Variants in CEP63 observed in about 807,000 individuals in gnomAD.
The protein encoded by CEP63 is centrosomal protein of 63 kDa.
A neutral mutation model predicts 89.1 loss-of-function variants in CEP63; 84 were observed. The observed-to-expected ratio is 0.94, with a 90% CI of 0.79 to 1.13. The LOEUF (loss-of-function observed/expected upper bound fraction) is 1.13, where lower values mean the gene tolerates loss of function less well. Ranked by LOEUF, CEP63 falls within the 50% of genes most tolerant of loss-of-function variation. The pLI is 0.00. For missense variants in CEP63, 838 were observed against 813.3 expected (o/e 1.03, Z -0.37); for synonymous variants, 267 against 272.5 (o/e 0.98, Z 0.20).
the CEP63 span, among the ~76,000 whole-genome samples, chr3:134,674,386 AC>A: frequency 1.3e-5 from 2 of 152,238 alleles, no homozygotes; most frequent in African/African-American, 2.4e-5. Flanking sequence ...ACAAAATCTA[AC>A]ATTATTTCAT....
intron 1 of CEP63, among the ~76,000 whole-genome samples, chr3:134,489,915 G>T (rs2107850349): frequency 6.6e-6 from 1 of 152,256 alleles, no homozygotes; most frequent in African/African-American, 2.4e-5. Flanking sequence ...TACTCAAATT[G>T]TTTCATCTTT....
the CEP63 span, among the ~76,000 whole-genome samples, chr3:134,781,328 G>T: frequency 8.5e-5 from 13 of 152,138 alleles, no homozygotes; most frequent in Non-Finnish European, 1.8e-4. Context: ...CATAAACACA[G>T]TATATCTCTC....
At chr3:134,604,575 T>G in the CEP63 span, 1 of 993,954 alleles carries the variant, frequency 1.0e-6, no homozygotes, top group East Asian at 2.4e-5. Flanking sequence ...ACGTCCTGAC[T>G]TATAGAGCTT....
chr3:134,683,264 C>A, the CEP63 span, among the ~76,000 whole-genome samples: 25,136 of 152,162 alleles, frequency 0.17, 2,151 homozygotes, highest in Middle Eastern at 0.23. Context: ...TGTTTTGAAT[C>A]CATGATCTTG....
At chr3:134,624,342 A>T in the CEP63 span, among the ~76,000 whole-genome samples, 5 of 152,164 alleles carry the variant, frequency 3.3e-5, no homozygotes, top group Admixed American at 2.6e-4. Context: ...TTTGCTTCTC[A>T]TCTGGCTTTC....
chr3:134,493,114 A>T (rs1232920820), intron 1 of CEP63, among the ~76,000 whole-genome samples: 1 of 152,192 alleles, frequency 6.6e-6, no homozygotes, highest in Non-Finnish European at 1.5e-5. Flanking sequence ...GATAATTTTG[A>T]ATAACTGTGA....
At chr3:134,580,300 G>A (rs760831931) in intron 10 of CEP63, among the ~76,000 whole-genome samples, 1 of 152,148 alleles carries the variant, frequency 6.6e-6, no homozygotes, top group Non-Finnish European at 1.5e-5. Context: ...GTGGTTGCCT[G>A]GGGCTGTGGG....
intron 1 of CEP63, among the ~76,000 whole-genome samples, chr3:134,490,023 C>G (rs1937073017): frequency 6.6e-6 from 1 of 152,038 alleles, no homozygotes; most frequent in Non-Finnish European, 1.5e-5. Flanking sequence ...TTTCCTGGCT[C>G]ATTTATAGAT....
chr3:134,649,280 C>T, the CEP63 span, among the ~76,000 whole-genome samples: 29 of 152,244 alleles, frequency 1.9e-4, no homozygotes, highest in Admixed American at 7.8e-4. Flanking sequence ...GGAGCCATGG[C>T]GAGTTTGTGC....
At chr3:134,764,023 G>A in the CEP63 span, among the ~76,000 whole-genome samples, 3 of 152,204 alleles carry the variant, frequency 2.0e-5, no homozygotes, top group African/African-American at 4.8e-5. Flanking sequence ...AATATATTCT[G>A]TTGGCATGAA....
chr3:134,563,281 ACTT>A lies in CEP63; in HGVS notation c.*1749_*1751del, dbSNP rs1577466728. 6.6e-6 allele frequency: 1 copy of A among 152,192 alleles called. No homozygotes were observed. Among genetic ancestry groups the A allele is most frequent in the East Asian group, 1.9e-4 (1 of 5,164 alleles). 9.4% of individuals were successfully genotyped at this position (152,192 alleles called of 1,614,324 possible). A position where few individuals can be genotyped will look rare whatever the true frequency, so the allele number is the denominator to read the frequency against. The stretch of plus-strand genomic sequence containing the variant: ...GCACTTCTACCACCTGATCCAGACT[ACTT>A]CTCTCTCACCCTGATTCTGGCAGTA... On this transcript the variant is annotated 3_prime_UTR_variant, in exon 15 of 15. Coordinates refer to ENST00000675561, the MANE Select transcript of CEP63 (RefSeq NM_001353108.3).
At chr3:134,485,967 G>C, upstream of CEP63, 1 of 972,630 alleles carries the variant, frequency 1.0e-6, no homozygotes, top group Non-Finnish European at 1.2e-6. Flanking sequence ...CCCGGCCACC[G>C]CGGCAGACGC....
chr3:134,696,838 A>ATG, the CEP63 span, among the ~76,000 whole-genome samples: 1 of 152,204 alleles, frequency 6.6e-6, no homozygotes, highest in Admixed American at 6.5e-5. Context: ...GACATACTTT[A>ATG]TGTGTCCACT....
chr3:134,566,844 C>T (rs1234565429), downstream of CEP63, among the ~76,000 whole-genome samples: 1 of 152,090 alleles, frequency 6.6e-6, no homozygotes, highest in Middle Eastern at 3.2e-3. Context: ...TAAAATAGTG[C>T]AGTCACTCTG....
At chr3:134,693,780 T>C in the CEP63 span, among the ~76,000 whole-genome samples, 1 of 152,198 alleles carries the variant, frequency 6.6e-6, no homozygotes, top group Non-Finnish European at 1.5e-5. Flanking sequence ...GTGCAAGGGC[T>C]TGCAGGGGCA....
At chr3:134,650,756 G>T in the CEP63 span, 3 of 1,395,710 alleles carry the variant, frequency 2.1e-6, no homozygotes, top group East Asian at 2.6e-5. Flanking sequence ...GCCCCCCGGC[G>T]GGCAGGCCCT....
intron 11 of CEP63, among the ~76,000 whole-genome samples, chr3:134,551,503 A>C (rs1954812862): frequency 6.6e-6 from 1 of 152,082 alleles, no homozygotes; most frequent in South Asian, 2.1e-4. Context: ...TGAGAACTGA[A>C]TATAAGTTGT....
At chr3:134,671,801 C>A in the CEP63 span, among the ~76,000 whole-genome samples, 1 of 152,118 alleles carries the variant, frequency 6.6e-6, no homozygotes, top group Admixed American at 6.5e-5. Context: ...AGGGTTTGAG[C>A]CCTTGCCCTG....
chr3:134,626,904 G>A, the CEP63 span, among the ~76,000 whole-genome samples: 1 of 152,204 alleles, frequency 6.6e-6, no homozygotes, highest in South Asian at 2.1e-4. Flanking sequence ...TTGCTCTGCA[G>A]AATCTGTTCC....
Sources: allele counts gnomAD v4.1 joint callset (sites outside exome capture counted in the v4.1 genomes callset), GRCh38; gene constraint gnomAD v4.1.1; transcripts MANE v1.5; gene names NCBI Gene and HGNC (gene_info 2026-07-23, HGNC 2026-07-21).